Variants in PHF21A observed in about 807,000 individuals in gnomAD.
The protein encoded by PHF21A is BHC80a.
A neutral mutation model predicts 82.5 loss-of-function variants in PHF21A; 11 were observed. That is an observed-to-expected ratio of 0.13 (90% CI 0.08 to 0.22). The LOEUF (loss-of-function observed/expected upper bound fraction) is 0.22, where lower values mean the gene tolerates loss of function less well. Ranked by LOEUF, PHF21A falls within the 10% of genes least tolerant of loss-of-function variation. The pLI, the probability that PHF21A is intolerant of heterozygous loss-of-function variation, is 1.00. For synonymous variants in PHF21A, 297 were observed against 302.8 expected (o/e 0.98, Z 0.20); for missense variants, 579 against 837.8 (o/e 0.69, Z 3.81).
chr11:46,084,279 A>G lies in PHF21A; in HGVS notation c.-60T>C. ...AGTTTCTTCAGCCTCTGTTTAAAGT[A>G]ACAAACTCCTCTTCTCACTGCAGCT... On this transcript the variant is annotated 5_prime_UTR_variant, in exon 4 of 19. Transcript: ENST00000676320. 1 of 1,273,308 alleles carries G rather than the reference A, an allele frequency of 7.9e-7. No homozygotes were observed. Among genetic ancestry groups the G allele is most frequent in the Non-Finnish European group, 1.1e-6 (1 of 898,126 alleles). 78.9% of individuals were successfully genotyped at this position (1,273,308 alleles called of 1,614,324 possible).
At chr11:45,958,411 AAAAAAAAAAT>A (rs2092821759) in intron 10 of PHF21A, among the ~76,000 whole-genome samples, 1 of 28,618 alleles carries the variant, frequency 3.5e-5, no homozygotes, top group African/African-American at 1.1e-4. Flanking sequence ...AAAAAAAAAA[AAAAAAAAAAT>A]ATATATATAT....
chr11:45,944,572 G>A (rs2090983802), intron 15 of PHF21A, among the ~76,000 whole-genome samples: 1 of 152,046 alleles, frequency 6.6e-6, no homozygotes, highest in African/African-American at 2.4e-5. Flanking sequence ...CACCACCCTG[G>A]CCAGCTTGCT....
intron 6 of PHF21A, among the ~76,000 whole-genome samples, chr11:45,984,611 C>T (rs1317538947): frequency 6.6e-6 from 1 of 152,172 alleles, no homozygotes; most frequent in Non-Finnish European, 1.5e-5. Flanking sequence ...GTTTAAGTCA[C>T]GTTCCATGGC....
intron 6 of PHF21A, among the ~76,000 whole-genome samples, chr11:46,028,865 C>T (rs1033195314): frequency 9.2e-5 from 14 of 152,202 alleles, no homozygotes; most frequent in African/African-American, 3.4e-4. Flanking sequence ...AGCCACCACG[C>T]CCAGCAAAGG....
intron 6 of PHF21A, among the ~76,000 whole-genome samples, chr11:46,062,030 T>C (rs986458058): frequency 6.6e-6 from 1 of 152,162 alleles, no homozygotes; most frequent in Non-Finnish European, 1.5e-5. Flanking sequence ...CTTTCTTTGT[T>C]GCTGCTGAGA....
At chr11:46,072,769 T>G (rs1438063359) in intron 6 of PHF21A, among the ~76,000 whole-genome samples, 1 of 151,924 alleles carries the variant, frequency 6.6e-6, no homozygotes, top group African/African-American at 2.4e-5. Flanking sequence ...GGCCACCAGG[T>G]AAAGGGAGAT....
At chr11:45,941,448 A>G (rs2090325828) in intron 15 of PHF21A, among the ~76,000 whole-genome samples, 1 of 152,198 alleles carries the variant, frequency 6.6e-6, no homozygotes, top group Non-Finnish European at 1.5e-5. Flanking sequence ...ACATCATGCA[A>G]TATCTGGTAA....
rs2087555911 is a variant in PHF21A at position 45,930,383 on chromosome 11, T to C, written c.*3585A>G. On this transcript the variant is annotated 3_prime_UTR_variant, in exon 19 of 19. Transcript: ENST00000676320. The stretch of plus-strand genomic sequence containing the variant: ...TGTTGCAGGGAAACCAGGCACACGA[T>C]GGTGCCAGCTGGAGGCTGCCAGGGC... 6.6e-6 allele frequency: 1 copy of C among 152,348 alleles called. No individual in the cohort carries two copies. Among genetic ancestry groups the C allele is most frequent in the Non-Finnish European group, 1.5e-5 (1 of 68,150 alleles). The allele number at this position is 152,348 out of a possible 1,614,324, so 9.4% of individuals were successfully genotyped here.
At chr11:45,943,322 T>C (rs1001462714) in intron 15 of PHF21A, among the ~76,000 whole-genome samples, 12 of 151,918 alleles carry the variant, frequency 7.9e-5, no homozygotes, top group Non-Finnish European at 1.6e-4. Flanking sequence ...GGGGTTTCAC[T>C]ATATTGCCAT....
chr11:45,997,054 T>C (rs2094931939), intron 6 of PHF21A, among the ~76,000 whole-genome samples: 1 of 152,232 alleles, frequency 6.6e-6, no homozygotes, highest in African/African-American at 2.4e-5. Flanking sequence ...GATATAAAAC[T>C]ATCACAAAAT....
At chr11:45,982,086 A>C (rs1326445601) in intron 6 of PHF21A, among the ~76,000 whole-genome samples, 3 of 151,386 alleles carry the variant, frequency 2.0e-5, no homozygotes, top group African/African-American at 7.3e-5. Flanking sequence ...CCTACCAAGT[A>C]GCTGGGACTA....
chr11:46,065,816 A>G (rs2096587355), intron 6 of PHF21A, among the ~76,000 whole-genome samples: 1 of 152,230 alleles, frequency 6.6e-6, no homozygotes, highest in Non-Finnish European at 1.5e-5. Flanking sequence ...CAGTTCACAG[A>G]GGCTCACAAT....
At chr11:46,089,638 T>TTGACC (rs2096900094) in intron 3 of PHF21A, among the ~76,000 whole-genome samples, 1 of 152,094 alleles carries the variant, frequency 6.6e-6, no homozygotes, top group Non-Finnish European at 1.5e-5. Context: ...GTGACAGCTA[T>TTGACC]TGACCTCCTT....
At chr11:46,037,581 T>G (rs1278412081) in intron 6 of PHF21A, among the ~76,000 whole-genome samples, 1 of 146,842 alleles carries the variant, frequency 6.8e-6, no homozygotes, top group Non-Finnish European at 1.5e-5. Flanking sequence ...CCGCCTCTGT[T>G]GCGGTGAGCC....
intron 6 of PHF21A, among the ~76,000 whole-genome samples, chr11:45,992,410 G>A (rs2094739517): frequency 6.6e-6 from 1 of 152,032 alleles, no homozygotes; most frequent in African/African-American, 2.4e-5. Flanking sequence ...CATGGTGGCG[G>A]GCGCCTGTAG....
Position 45,934,053 on chromosome 11 carries a change from G to A in PHF21A, c.1961C>T (p.Ala654Val). The A allele has an allele frequency of 6.2e-7, 1 of 1,613,718 alleles. No individual in the cohort carries two copies. The highest frequency in any genetic ancestry group is 8.5e-7 in the Non-Finnish European group (1 of 1,179,782). Reference protein sequence around the residue: ...ISNGPDCTPPANAATSTPAPS... With the variant: ...ISNGPDCTPPVNAATSTPAPS... ...GGCCGGCGTGGAGGTGGCGGCATTG[G>A]CAGGGGGGGTGCAGTCCGGGCCATT... The change falls in exon 19 of 19, where the codon GCC becomes GTC. Residue 654 changes from alanine to valine, a missense_variant. Transcript: ENST00000676320.
intron 8 of PHF21A, 174 bp downstream of exon 8, chr11:45,970,942 T>G: frequency 1.4e-6 from 1 of 734,118 alleles, no homozygotes; most frequent in South Asian, 1.9e-5. Flanking sequence ...CTGTAGTGAT[T>G]TGAGCAGATA....
chr11:46,066,957 T>C (rs2096601568), intron 6 of PHF21A, among the ~76,000 whole-genome samples: 1 of 152,242 alleles, frequency 6.6e-6, no homozygotes, highest in Non-Finnish European at 1.5e-5. Context: ...ATGTCTGTTT[T>C]ACAATTTGCT....
chr11:46,031,998 C>G (rs1012376804), intron 6 of PHF21A, among the ~76,000 whole-genome samples: 2 of 152,186 alleles, frequency 1.3e-5, no homozygotes, highest in African/African-American at 4.8e-5. Flanking sequence ...ATGAAAACCA[C>G]AGCTTTATTA....
Sources: allele counts gnomAD v4.1 joint callset (sites outside exome capture counted in the v4.1 genomes callset), GRCh38; gene constraint gnomAD v4.1.1; transcripts MANE v1.5; gene names NCBI Gene and HGNC (gene_info 2026-07-23, HGNC 2026-07-21).